LEPR: variants seen among roughly 807,000 people sequenced by gnomAD.
LEPR encodes the protein leptin receptor, also known as OB receptor.
In LEPR, 56 loss-of-function variants were observed where a neutral mutation model predicts 114.7. The observed-to-expected ratio is 0.49, with a 90% CI of 0.39 to 0.61. The LOEUF (loss-of-function observed/expected upper bound fraction) is 0.61. Ranked by LOEUF, LEPR falls within the 20% of genes least tolerant of loss-of-function variation. The pLI, the probability that LEPR is intolerant of heterozygous loss-of-function variation, is 0.00. For synonymous variants in LEPR, 443 were observed against 461.4 expected (o/e 0.96, Z 0.51); for missense variants, 1,202 against 1,352.9 (o/e 0.89, Z 1.75).
intron 2 of LEPR, among the ~76,000 whole-genome samples, chr1:65,551,460 T>A (rs551547902): frequency 6.6e-6 from 1 of 152,266 alleles, no homozygotes; most frequent in South Asian, 2.1e-4. Context: ...GTCTAGGAAT[T>A]TATCCATTTC....
At chr1:65,569,380 A>T (rs554623715) in intron 3 of LEPR, among the ~76,000 whole-genome samples, 2 of 152,330 alleles carry the variant, frequency 1.3e-5, no homozygotes, top group South Asian at 4.1e-4. Flanking sequence ...AAAAACAATT[A>T]TGGAGAATTA....
intron 19 of LEPR, chr1:65,626,097 C>T: frequency 6.2e-7 from 1 of 1,606,530 alleles, no homozygotes; most frequent in Non-Finnish European, 8.5e-7. Context: ...TTTAAACCTG[C>T]AGCAAATTAT....
chr1:65,525,747 C>A, intron 2 of LEPR: 1 of 986,136 alleles, frequency 1.0e-6, no homozygotes, highest in South Asian at 4.7e-5. Flanking sequence ...GCCGAGCGCG[C>A]GCGACGCAGG....
intron 2 of LEPR, among the ~76,000 whole-genome samples, chr1:65,552,288 C>T (rs1652443318): frequency 6.6e-6 from 1 of 152,102 alleles, no homozygotes; most frequent in Admixed American, 6.6e-5. Flanking sequence ...GTTGATCTGT[C>T]TAACATTGAC....
chr1:65,494,872 C>T (rs1275443124), intron 2 of LEPR, among the ~76,000 whole-genome samples: 2 of 152,006 alleles, frequency 1.3e-5, no homozygotes, highest in African/African-American at 4.8e-5. Context: ...ATTCCATAGT[C>T]ATAATGGCAT....
chr1:65,636,383 A>T lies in LEPR; in HGVS notation c.2866A>T (p.Ser956Cys), dbSNP rs1658718243. The T allele has an allele frequency of 6.2e-7, 1 of 1,614,014 alleles. No individual in the cohort carries two copies. Among genetic ancestry groups the T allele is most frequent in the African/African-American group, 1.3e-5 (1 of 74,936 alleles). ...TCTTGAAAAGGGTTCTGTTTGTATT[A>T]GTGACCAGTTCAACAGTGTTAACTT... ...TDLEKGSVCI[S>C]DQFNSVNFSE... Residue 956 changes from serine (S) to cysteine (C), a missense_variant, in exon 20 of 20, where the codon AGT becomes TGT. Ser to Cys is a moderately radical substitution (Grantham distance 112). Coordinates refer to ENST00000349533, the MANE Select transcript of LEPR (RefSeq NM_002303.6).
intron 12 of LEPR, 139 bp from the exon 13 acceptor site, chr1:65,609,808 A>G (rs1557694259): frequency 1.6e-6 from 2 of 1,225,610 alleles, no homozygotes; most frequent in Non-Finnish European, 2.4e-6. Context: ...AATTGTGACT[A>G]TTTCTGAAGG....
intron 5 of LEPR, among the ~76,000 whole-genome samples, chr1:65,590,973 A>G (rs1557682003): frequency 6.6e-6 from 1 of 151,498 alleles, no homozygotes. Context: ...GTTAGTGCCT[A>G]TATTTAGTGT....
chr1:65,470,194 T>C (rs1460675420), intron 2 of LEPR, among the ~76,000 whole-genome samples: 1 of 152,220 alleles, frequency 6.6e-6, no homozygotes, highest in Non-Finnish European at 1.5e-5. Context: ...AAACACTTAT[T>C]GTGCCAATGT....
rs1655146182 is a variant in LEPR at position 65,583,790 on chromosome 1, C to T, written c.495-8867C>T. Among the ~76,000 whole-genome samples the T allele has an allele frequency of 2.0e-5, 3 of 151,808 alleles. No individual in the cohort carries two copies. In the South Asian group the frequency reaches 6.2e-4, roughly 31 times the overall value. The stretch of plus-strand genomic sequence containing the variant: ...AGAAAAAATAGTCAATAGAAACAGA[C>T]CCGGAAATGACAGAGATGATAGAAT... On this transcript the variant is annotated intron_variant, in intron 5 of 19. Coordinates refer to ENST00000349533, the MANE Select transcript of LEPR (RefSeq NM_002303.6).
At chr1:65,449,459 A>G (rs1347670487) in intron 2 of LEPR, among the ~76,000 whole-genome samples, 1 of 152,038 alleles carries the variant, frequency 6.6e-6, no homozygotes, top group East Asian at 1.9e-4. Flanking sequence ...CAGCCGCAGG[A>G]AGGGTAGGCT....
chr1:65,579,142 A>C (rs893547195), intron 5 of LEPR, among the ~76,000 whole-genome samples: 3 of 152,170 alleles, frequency 2.0e-5, no homozygotes, highest in Admixed American at 2.0e-4. Flanking sequence ...GCCTTGTATG[A>C]TGGTAGATTC....
chr1:65,617,907 TTAG>T, intron 15 of LEPR, 54 bp from the exon 16 acceptor site: 12 of 1,507,994 alleles, frequency 8.0e-6, no homozygotes, highest in Non-Finnish European at 1.1e-5. Context: ...CTCAAGAGTA[TTAG>T]TAGATTTTTA....
intron 17 of LEPR, among the ~76,000 whole-genome samples, chr1:65,620,664 G>A (rs1657824572): frequency 1.3e-5 from 2 of 152,136 alleles, no homozygotes; most frequent in South Asian, 2.1e-4. Context: ...TGCAAGTACA[G>A]TAAGACCCTA....
chr1:65,572,294 T>TA, intron 4 of LEPR, 32 bp from the exon 5 acceptor site: 1 of 1,275,428 alleles, frequency 7.8e-7, no homozygotes, highest in Non-Finnish European at 1.0e-6. Flanking sequence ...GTAGTTGTTT[T>TA]TTTTTTTTTT....
chr1:65,497,314 A>G (rs1648215863), intron 2 of LEPR, among the ~76,000 whole-genome samples: 1 of 152,116 alleles, frequency 6.6e-6, no homozygotes, highest in South Asian at 2.1e-4. Flanking sequence ...TCTTTATAAT[A>G]TCCATTCTTT....
At chr1:65,465,257 C>A (rs141078964) in intron 2 of LEPR, among the ~76,000 whole-genome samples, 1 of 152,118 alleles carries the variant, frequency 6.6e-6, no homozygotes, top group Non-Finnish European at 1.5e-5. Context: ...AGAACATCTT[C>A]ATTTCTGCCT....
At chr1:65,538,460 G>T (rs1250754074) in intron 2 of LEPR, among the ~76,000 whole-genome samples, 2 of 151,628 alleles carry the variant, frequency 1.3e-5, no homozygotes, top group East Asian at 1.9e-4. Context: ...TGTCGTTTTT[G>T]GTTTTCTCCT....
intron 2 of LEPR, among the ~76,000 whole-genome samples, chr1:65,508,279 AC>A (rs980710743): frequency 8.5e-5 from 13 of 152,082 alleles, no homozygotes; most frequent in African/African-American, 3.1e-4. Context: ...ATGTCGTGAA[AC>A]TTTTCCCTAG....
Sources: allele counts gnomAD v4.1 joint callset (sites outside exome capture counted in the v4.1 genomes callset), GRCh38; gene constraint gnomAD v4.1.1; transcripts MANE v1.5; gene names NCBI Gene and HGNC (gene_info 2026-07-23, HGNC 2026-07-21).